The following NR3C2 variants were observed in gnomAD, a reference collection of about 807,000 sequenced individuals.
NR3C2 encodes nuclear receptor subfamily 3 group C member 2, also known as mineralocorticoid receptor.
In NR3C2, 15 loss-of-function variants were observed where a neutral mutation model predicts 86.4. That is an observed-to-expected ratio of 0.17 (90% CI 0.12 to 0.27). The LOEUF is 0.27. NR3C2 is among the 10% of genes least tolerant of loss of function. The pLI is 1.00. For missense variants in NR3C2, 960 were observed against 1,195.6 expected, an observed-to-expected ratio of 0.80 and a Z score of 2.91; for synonymous variants, 458 against 450.5, an observed-to-expected ratio of 1.02 and a Z score of -0.21.
At chr4:148,134,510 C>T (rs1733184612) in intron 6 of NR3C2, among the ~76,000 whole-genome samples, 2 of 152,052 alleles carry the variant, frequency 1.3e-5, no homozygotes, top group African/African-American at 4.8e-5. Flanking sequence ...CTAATCAGAA[C>T]TAAGTAGCGG....
At chr4:148,315,417 G>A (rs985133254) in intron 2 of NR3C2, among the ~76,000 whole-genome samples, 18 of 152,184 alleles carry the variant, frequency 1.2e-4, no homozygotes, top group East Asian at 1.2e-3. Flanking sequence ...AAACCTCTCT[G>A]AGAAACTCTG....
chr4:148,215,781 T>C (rs902812574), intron 3 of NR3C2, among the ~76,000 whole-genome samples: 6 of 25,626 alleles, frequency 2.3e-4, no homozygotes, highest in African/African-American at 9.4e-4. Context: ...TGAGGCATAG[T>C]TTTTTTTTTT....
chr4:148,103,869 C>G (rs561698392), intron 8 of NR3C2, among the ~76,000 whole-genome samples: 36 of 152,298 alleles, frequency 2.4e-4, no homozygotes, highest in South Asian at 1.0e-3. Context: ...TTGGCTTGTC[C>G]AGACCTCCCC....
intron 2 of NR3C2, among the ~76,000 whole-genome samples, chr4:148,409,101 A>G (rs1405458229): frequency 2.0e-5 from 3 of 152,160 alleles, no homozygotes; most frequent in Non-Finnish European, 4.4e-5. Flanking sequence ...AAGTGGAGAT[A>G]TTGGGTCAAA....
At chr4:148,147,853 A>C (rs1733938855) in intron 6 of NR3C2, among the ~76,000 whole-genome samples, 1 of 152,208 alleles carries the variant, frequency 6.6e-6, no homozygotes, top group African/African-American at 2.4e-5. Context: ...GCAATGTGTG[A>C]GGCATGCTTT....
At chr4:148,127,280 G>A (rs1265108283) in intron 6 of NR3C2, among the ~76,000 whole-genome samples, 1 of 152,114 alleles carries the variant, frequency 6.6e-6, no homozygotes, top group Non-Finnish European at 1.5e-5. Context: ...AAATGTACAT[G>A]CAAGGAAGTT....
chr4:148,309,990 G>A (rs1742828763), intron 2 of NR3C2, among the ~76,000 whole-genome samples: 1 of 151,858 alleles, frequency 6.6e-6, no homozygotes, highest in African/African-American at 2.4e-5. Context: ...GGGGGTGGAG[G>A]AAATAATGAG....
Position 148,080,804 on chromosome 4 carries a change from T to G in NR3C2, c.*540A>C, listed in dbSNP as rs762585664. 2 of 427,992 alleles carry G rather than the reference T, an allele frequency of 4.7e-6. No individual in the cohort carries two copies. Among genetic ancestry groups the G allele is most frequent in the Non-Finnish European group, 9.6e-6 (2 of 208,090 alleles). 26.5% of individuals were successfully genotyped at this position (427,992 alleles called of 1,614,324 possible). A position where few individuals can be genotyped will look rare whatever the true frequency, so the allele number is the denominator to read the frequency against. Reference sequence around the variant, plus strand: ...CAGAAGACCGTGGACGAGCGAGGGCTCAGAGGCAGCTGCTGCCCCACGCCA... The same window carrying G: ...CAGAAGACCGTGGACGAGCGAGGGCGCAGAGGCAGCTGCTGCCCCACGCCA... On this transcript the variant is annotated 3_prime_UTR_variant, in exon 9 of 9. Transcript: ENST00000358102.
intron 2 of NR3C2, among the ~76,000 whole-genome samples, chr4:148,338,865 G>A (rs111252175): frequency 3.2e-4 from 49 of 151,946 alleles, no homozygotes; most frequent in African/African-American, 1.1e-3. Context: ...CACATCTCAG[G>A]GCCAAATCTA....
chr4:148,274,195 G>A (rs767520133), intron 2 of NR3C2, among the ~76,000 whole-genome samples: 2 of 152,132 alleles, frequency 1.3e-5, no homozygotes, highest in Non-Finnish European at 1.5e-5. Flanking sequence ...AACATAGTAA[G>A]TGTTTTACGG....
Position 148,233,950 on chromosome 4 carries a change from G to A in NR3C2, c.1897+26028C>T, listed in dbSNP as rs572842991. Among the ~76,000 whole-genome samples the A allele has an allele frequency of 3.9e-5, 6 of 152,232 alleles. No homozygotes were observed. In the South Asian group the frequency reaches 1.2e-3, roughly 32 times the overall value. The stretch of plus-strand genomic sequence containing the variant: ...TTGGGAAAATGGCACTACTACACTT[G>A]CTCAATGCAGGGTTGTCACAAACCT... On this transcript the variant is annotated intron_variant, in intron 3 of 8. Transcript: ENST00000358102.
intron 4 of NR3C2, among the ~76,000 whole-genome samples, chr4:148,181,801 A>C (rs902819133): frequency 6.6e-6 from 1 of 152,178 alleles, no homozygotes; most frequent in Non-Finnish European, 1.5e-5. Flanking sequence ...CATGCTGCCT[A>C]CAGCCCAGCA....
chr4:148,176,399 C>CA (rs2149787928), intron 4 of NR3C2, among the ~76,000 whole-genome samples: 2 of 152,262 alleles, frequency 1.3e-5, no homozygotes, highest in African/African-American at 4.8e-5. Flanking sequence ...AGCACCCATG[C>CA]AAGCATCAGT....
At chr4:148,408,995 T>C (rs1347992344) in intron 2 of NR3C2, among the ~76,000 whole-genome samples, 1 of 152,178 alleles carries the variant, frequency 6.6e-6, no homozygotes, top group Non-Finnish European at 1.5e-5. Context: ...ATAATTCTCC[T>C]ATTAGTTGTT....
intron 2 of NR3C2, among the ~76,000 whole-genome samples, chr4:148,352,742 T>C (rs1464105606): frequency 3.9e-5 from 6 of 152,192 alleles, no homozygotes; most frequent in African/African-American, 1.4e-4. Flanking sequence ...AAATCATATT[T>C]TAATAAATGT....
intron 2 of NR3C2, among the ~76,000 whole-genome samples, chr4:148,324,141 G>A (rs10434128): frequency 0.13 from 19,160 of 152,052 alleles, 1,259 homozygotes; most frequent in Middle Eastern, 0.16. Context: ...GCATCAACCT[G>A]AGAAAGACTA....
intron 2 of NR3C2, among the ~76,000 whole-genome samples, chr4:148,403,542 T>A (rs1244703213): frequency 6.6e-6 from 1 of 152,120 alleles, no homozygotes; most frequent in East Asian, 1.9e-4. Flanking sequence ...ATAATGTAAC[T>A]TGATTTTATT....
At chr4:148,218,198 C>T (rs1737644659) in intron 3 of NR3C2, among the ~76,000 whole-genome samples, 1 of 152,154 alleles carries the variant, frequency 6.6e-6, no homozygotes, top group Admixed American at 6.6e-5. Context: ...AATATCATAG[C>T]TACAGTTGAT....
intron 2 of NR3C2, among the ~76,000 whole-genome samples, chr4:148,425,855 C>T (rs80064095): frequency 0.014 from 2,091 of 152,274 alleles, 47 homozygotes; most frequent in African/African-American, 0.047. Flanking sequence ...AGGCAAATCA[C>T]GAATACTGTC....
Sources: allele counts gnomAD v4.1 joint callset (sites outside exome capture counted in the v4.1 genomes callset), GRCh38; gene constraint gnomAD v4.1.1; transcripts MANE v1.5; gene names NCBI Gene and HGNC (gene_info 2026-07-23, HGNC 2026-07-21).